The following AGPS variants were observed in gnomAD, a reference collection of about 807,000 sequenced individuals.
The protein encoded by AGPS is alkyldihydroxyacetonephosphate synthase, peroxisomal.
A neutral mutation model predicts 90.7 loss-of-function variants in AGPS; 26 were observed. The ratio of observed to expected loss-of-function variants is 0.29; its 90% CI spans 0.21 to 0.40. The LOEUF is 0.40. Ranked by LOEUF, AGPS falls within the 10% of genes least tolerant of loss-of-function variation. The probability of loss-of-function intolerance (pLI) is 1.00; values close to 1 mark genes in which losing one functional copy is unlikely to be tolerated. For synonymous variants in AGPS, 294 were observed against 285.3 expected (o/e 1.03, Z -0.31); for missense variants, 540 against 816.1 (o/e 0.66, Z 4.12).
intron 16 of AGPS, among the ~76,000 whole-genome samples, chr2:177,513,498 T>C: frequency 6.6e-6 from 1 of 152,202 alleles, no homozygotes; most frequent in Admixed American, 6.5e-5. Flanking sequence ...TTTTTAAAGC[T>C]CTTAAAATCT....
chr2:177,541,093 C>T lies in AGPS; in HGVS notation c.*2898C>T, dbSNP rs778845719. 1 of 152,096 alleles carries T rather than the reference C, an allele frequency of 6.6e-6. No homozygotes were observed. Among genetic ancestry groups the T allele is most frequent in the Non-Finnish European group, 1.5e-5 (1 of 68,010 alleles). The allele number at this position is 152,096 out of a possible 1,614,324, so 9.4% of individuals were successfully genotyped here. A position where few individuals can be genotyped will look rare whatever the true frequency, so the allele number is the denominator to read the frequency against. ...CTAAAAGTGCTTACATATTGTAGTACTATTACTTAAAAGTTATTTATGAAG... is the reference window on the plus strand; with the variant it reads ...CTAAAAGTGCTTACATATTGTAGTATTATTACTTAAAAGTTATTTATGAAG... On this transcript the variant is annotated 3_prime_UTR_variant, in exon 20 of 20. Transcript: ENST00000264167.
At chr2:177,467,928 G>T (rs11891003) in intron 9 of AGPS, among the ~76,000 whole-genome samples, 28 of 152,088 alleles carry the variant, frequency 1.8e-4, no homozygotes, top group Admixed American at 5.2e-4. Context: ...ATTTGACCTG[G>T]TCATAATTAA....
At chr2:177,501,409 T>A (rs1688557273) in intron 14 of AGPS, among the ~76,000 whole-genome samples, 1 of 152,204 alleles carries the variant, frequency 6.6e-6, no homozygotes, top group Non-Finnish European at 1.5e-5. Flanking sequence ...GATGACATAA[T>A]GCTTGTTTGT....
At chr2:177,522,753 C>T (rs1168691498) in intron 18 of AGPS, among the ~76,000 whole-genome samples, 1 of 152,158 alleles carries the variant, frequency 6.6e-6, no homozygotes, top group Non-Finnish European at 1.5e-5. Context: ...CGCACACAGC[C>T]GAGGGTTCTT....
intron 14 of AGPS, among the ~76,000 whole-genome samples, chr2:177,501,013 C>T: frequency 6.6e-6 from 1 of 152,086 alleles, no homozygotes; most frequent in East Asian, 1.9e-4. Context: ...GATTAAAGGA[C>T]TGTTTTCTTA....
chr2:177,527,285 G>A (rs1228247168), intron 19 of AGPS, among the ~76,000 whole-genome samples: 1 of 151,960 alleles, frequency 6.6e-6, no homozygotes, highest in East Asian at 1.9e-4. Flanking sequence ...AAACTTAGCT[G>A]GGCATGGTAG....
rs1028609870 is a variant in AGPS at position 177,504,449 on chromosome 2, A to G, written c.1476-1057A>G. 2.0e-5 allele frequency among the ~76,000 whole-genome samples: 3 copies of G among 151,800 alleles called. No homozygotes were observed. In the East Asian group the frequency reaches 5.8e-4, roughly 29 times the overall value. Reference sequence around the variant, plus strand: ...CATTCTAATACAAACAGTCCCCTTCATTTTTTTTATTATACCCCATTCTCA... The same window carrying G: ...CATTCTAATACAAACAGTCCCCTTCGTTTTTTTTATTATACCCCATTCTCA... On this transcript the variant is annotated intron_variant, in intron 14 of 19. Coordinates refer to ENST00000264167, the MANE Select transcript of AGPS (RefSeq NM_003659.4).
At chr2:177,473,583 A>G (rs937822362) in intron 10 of AGPS, among the ~76,000 whole-genome samples, 2 of 152,220 alleles carry the variant, frequency 1.3e-5, no homozygotes, top group African/African-American at 2.4e-5. Context: ...CATAACATAC[A>G]TATAATTAAG....
At chr2:177,504,791 A>G (rs975643305) in intron 14 of AGPS, among the ~76,000 whole-genome samples, 1 of 152,118 alleles carries the variant, frequency 6.6e-6, no homozygotes, top group Non-Finnish European at 1.5e-5. Context: ...ATTAAAAACT[A>G]TTTACTAAAG....
At chr2:177,412,890 A>G (rs1267043030) in intron 1 of AGPS, among the ~76,000 whole-genome samples, 1 of 152,202 alleles carries the variant, frequency 6.6e-6, no homozygotes, top group Non-Finnish European at 1.5e-5. Context: ...TTAGCTGTGC[A>G]GGAACAATGG....
intron 2 of AGPS, among the ~76,000 whole-genome samples, chr2:177,433,375 T>G (rs1231257414): frequency 6.6e-6 from 1 of 152,234 alleles, no homozygotes; most frequent in African/African-American, 2.4e-5. Context: ...ATAGAATTTC[T>G]GTTGTGTTCT....
intron 19 of AGPS, among the ~76,000 whole-genome samples, chr2:177,533,329 T>A (rs1387126408): frequency 6.6e-6 from 1 of 152,170 alleles, no homozygotes; most frequent in Admixed American, 6.5e-5. Context: ...TTAAACAGAT[T>A]TGAGAGCTGA....
chr2:177,496,508 G>A (rs977559875), intron 12 of AGPS, among the ~76,000 whole-genome samples: 2 of 152,062 alleles, frequency 1.3e-5, no homozygotes, highest in Non-Finnish European at 2.9e-5. Flanking sequence ...ATCCCCAAGC[G>A]TATCTCTTAC....
intron 10 of AGPS, among the ~76,000 whole-genome samples, chr2:177,475,850 C>T (rs1331168078): frequency 6.6e-6 from 1 of 152,020 alleles, no homozygotes; most frequent in Non-Finnish European, 1.5e-5. Flanking sequence ...CCCTATGTTT[C>T]ACCATTTGAA....
intron 12 of AGPS, among the ~76,000 whole-genome samples, chr2:177,494,332 G>A (rs1688351508): frequency 6.6e-6 from 1 of 152,078 alleles, no homozygotes; most frequent in Non-Finnish European, 1.5e-5. Context: ...ATTTCTTTAA[G>A]TAAATTACTT....
rs182803598 is a variant in AGPS at position 177,511,850 on chromosome 2, C to T, written c.1608-1969C>T. Among the ~76,000 whole-genome samples, 681 of 152,264 alleles carry T rather than the reference C, an allele frequency of 4.5e-3. 2 individuals are homozygous for T. The highest frequency in any genetic ancestry group is 7.5e-3 in the Non-Finnish European group (513 of 68,008). On this transcript the variant is annotated intron_variant, in intron 16 of 19. Coordinates refer to ENST00000264167, the MANE Select transcript of AGPS (RefSeq NM_003659.4). ...TAACTGTTCAGTCTGGTCCTTTCTCCATCTCCTTTTCATTATTCAACTATC... is the reference window on the plus strand; with the variant it reads ...TAACTGTTCAGTCTGGTCCTTTCTCTATCTCCTTTTCATTATTCAACTATC...
At chr2:177,397,789 G>C (rs1685227996) in intron 1 of AGPS, among the ~76,000 whole-genome samples, 2 of 152,184 alleles carry the variant, frequency 1.3e-5, no homozygotes, top group Non-Finnish European at 2.9e-5. Context: ...AGCACTTTGG[G>C]AGGCCAAGGC....
Position 177,497,739 on chromosome 2 carries a change from G to T in AGPS, c.1336G>T (p.Gly446Ter). 3 of 1,571,850 alleles carry T rather than the reference G, an allele frequency of 1.9e-6. No individual in the cohort carries two copies. The highest frequency in any genetic ancestry group is 2.6e-6 in the Non-Finnish European group (3 of 1,148,572). ...VSSIFTSFLD[G>*]LKKFYITKFK... is the part of the protein sequence containing the mutation. ...CTCTATTTTTACATCATTTTTGGAC[G>T]GATTAAAAAAGTTTTATATTACAAA... Residue 446 changes from glycine (G) to a stop codon, truncating the protein, a stop_gained, in exon 13 of 20, where the codon GGA becomes TGA. Coordinates refer to ENST00000264167, the MANE Select transcript of AGPS (RefSeq NM_003659.4). LOFTEE classifies it high-confidence loss of function.
chr2:177,512,039 A>G, intron 16 of AGPS, among the ~76,000 whole-genome samples: 1 of 152,208 alleles, frequency 6.6e-6, no homozygotes, highest in Non-Finnish European at 1.5e-5. Flanking sequence ...GATTTTTTTT[A>G]GACTACTTAG....
Sources: gnomAD v4.1 joint callset for allele counts (sites outside exome capture counted in the v4.1 genomes callset) on GRCh38, gnomAD v4.1.1 for gene constraint, MANE v1.5 for transcripts, NCBI Gene and HGNC (gene_info 2026-07-23, HGNC 2026-07-21) for gene names.